TC2N: variants seen among roughly 807,000 people sequenced by gnomAD.
The protein encoded by TC2N is tandem C2 domains nuclear protein.
A neutral mutation model predicts 61.9 loss-of-function variants in TC2N; 51 were observed. The observed-to-expected ratio is 0.82, with a 90% CI of 0.66 to 1.04. The LOEUF is 1.04. TC2N is among the 50% of genes least tolerant of loss of function. TC2N has a pLI of 0.00. For missense variants in TC2N, 556 were observed against 566.7 expected (o/e 0.98, Z 0.19); for synonymous variants, 204 against 192.6 (o/e 1.06, Z -0.49).
At chr14:91,859,254 A>G (rs1054632362) in intron 1 of TC2N, among the ~76,000 whole-genome samples, 2 of 152,142 alleles carry the variant, frequency 1.3e-5, no homozygotes, top group African/African-American at 2.4e-5. Context: ...TGTAATTAAT[A>G]TCTATGCATT....
intron 1 of TC2N, among the ~76,000 whole-genome samples, chr14:91,830,392 C>T (rs2139893568): frequency 6.6e-6 from 1 of 152,266 alleles, no homozygotes; most frequent in Middle Eastern, 3.4e-3. Context: ...AGTACTGATT[C>T]ACACTACAAC....
Position 91,807,411 on chromosome 14 carries a change from A to G in TC2N, c.301+4901T>C, listed in dbSNP as rs995878086. Among the ~76,000 whole-genome samples the G allele has an allele frequency of 5.9e-5, 9 of 152,230 alleles. No individual in the cohort carries two copies. In the East Asian group the frequency reaches 1.7e-3, roughly 29 times the overall value. On this transcript the variant is annotated intron_variant, in intron 3 of 11. Coordinates refer to ENST00000435962, the MANE Select transcript of TC2N (RefSeq NM_001128596.3). ...TGAAAGCAGCTAGGAGGGAAGCTGT[A>G]CCTTGCAAAGCCACAGGGGTGGAGC... is the stretch of plus-strand genomic sequence containing the variant.
In TC2N at chr14:91,865,377, T is replaced by G. The variant is rs906644109; in HGVS notation, c.-57+1885A>C. On this transcript the variant is annotated intron_variant, in intron 1 of 11. Transcript: ENST00000435962. Reference sequence around the variant, plus strand: ...TGTCTTGGAGCCTCTTGGTTTTTTTTTTTTTTTTTTTTTAAAAAAACATCT... The same window carrying G: ...TGTCTTGGAGCCTCTTGGTTTTTTTGTTTTTTTTTTTTTAAAAAAACATCT... 1.9e-3 allele frequency among the ~76,000 whole-genome samples: 278 copies of G among 146,112 alleles called. 1 individual carries two copies. The highest frequency in any genetic ancestry group is 6.8e-3 in the African/African-American group (268 of 39,408).
chr14:91,791,218 GAGGGA>G (rs1238453639), intron 9 of TC2N, among the ~76,000 whole-genome samples: 37 of 115,364 alleles, frequency 3.2e-4, no homozygotes, highest in African/African-American at 7.9e-4. Flanking sequence ...GAGGGGAGGG[GAGGGA>G]AGGGAAGGGA....
At position 91,797,802 on chromosome 14, in the gene TC2N, C is replaced by T. The variant is rs1226302534; in HGVS notation, c.838G>A (p.Ala280Thr). Residue 280 changes from alanine to threonine, a missense_variant, in exon 8 of 12, where the codon GCC becomes ACC. Transcript: ENST00000435962. The part of the protein sequence containing the change: ...LPKPVHFKSS[A>T]KEGSNAIEFM... ...CCACTTACGTTGGAACCTTCCTTGG[C>T]TGAAGATTTGAAATGCACTGGTTTG... The T allele has an allele frequency of 3.1e-6, 5 of 1,600,924 alleles. No individual in the cohort carries two copies. The highest frequency in any genetic ancestry group is 2.3e-5 in the South Asian group (2 of 88,842).
intron 1 of TC2N, among the ~76,000 whole-genome samples, chr14:91,856,703 G>A (rs1040176530): frequency 2.6e-5 from 4 of 152,162 alleles, no homozygotes; most frequent in Non-Finnish European, 5.9e-5. Context: ...TTAGACCGAA[G>A]AGGCAGCAGT....
At chr14:91,854,975 T>C (rs1434943829) in intron 1 of TC2N, among the ~76,000 whole-genome samples, 1 of 152,202 alleles carries the variant, frequency 6.6e-6, no homozygotes, top group Non-Finnish European at 1.5e-5. Flanking sequence ...GCTGAGGATC[T>C]GGAGGGGTTC....
At position 91,780,262 on chromosome 14, in the gene TC2N, A is replaced by G. The variant is rs1483146752; in HGVS notation, c.*2838T>C. On this transcript the variant is annotated 3_prime_UTR_variant, in exon 12 of 12. Transcript: ENST00000435962. ...GAAATCCTTCATAAGCAAGTATTTG[A>G]TTAAACAAAAATGGAAAATGTTACT... The G allele has an allele frequency of 1.3e-5, 2 of 152,262 alleles. No individual in the cohort carries two copies. Among genetic ancestry groups the G allele is most frequent in the African/African-American group, 4.8e-5 (2 of 41,472 alleles). 9.4% of individuals were successfully genotyped at this position (152,262 alleles called of 1,614,324 possible). A position where few individuals can be genotyped will look rare whatever the true frequency, so the allele number is the denominator to read the frequency against.
chr14:91,823,954 G>A (rs184036305), intron 1 of TC2N, among the ~76,000 whole-genome samples: 4 of 152,238 alleles, frequency 2.6e-5, no homozygotes, highest in African/African-American at 9.6e-5. Context: ...CCAAAGTAAT[G>A]CACATAAAGT....
intron 1 of TC2N, among the ~76,000 whole-genome samples, chr14:91,827,111 T>C (rs1887533749): frequency 1.3e-5 from 2 of 152,348 alleles, no homozygotes; most frequent in Admixed American, 1.3e-4. Context: ...TATTTTATCC[T>C]GGGCTTTCTA....
At chr14:91,832,484 T>C (rs185352703) in intron 1 of TC2N, among the ~76,000 whole-genome samples, 1 of 151,024 alleles carries the variant, frequency 6.6e-6, no homozygotes, top group East Asian at 1.9e-4. Flanking sequence ...CAATGAAAGG[T>C]TCAACATCAT....
intron 2 of TC2N, among the ~76,000 whole-genome samples, 177 bp from the exon 3 acceptor site, chr14:91,812,722 T>C (rs1886838647): frequency 6.6e-6 from 1 of 151,954 alleles, no homozygotes; most frequent in Admixed American, 6.6e-5. Flanking sequence ...CAGACGATAT[T>C]TGAGCAATTA....
chr14:91,798,483 A>G, intron 6 of TC2N, 84 bp from the exon 7 acceptor site: 1 of 743,352 alleles, frequency 1.3e-6, no homozygotes, highest in East Asian at 2.8e-5. Context: ...CAATTTTAAG[A>G]GCACAATTTT....
chr14:91,838,162 T>C (rs892384817), intron 1 of TC2N, among the ~76,000 whole-genome samples: 4 of 151,228 alleles, frequency 2.6e-5, no homozygotes, highest in Non-Finnish European at 4.4e-5. Context: ...TTTTTTTTTT[T>C]TGGGCAGGCT....
chr14:91,844,814 A>G (rs1888238370), intron 1 of TC2N, among the ~76,000 whole-genome samples: 1 of 150,316 alleles, frequency 6.7e-6, no homozygotes, highest in South Asian at 2.1e-4. Flanking sequence ...GGCAGGGACC[A>G]GGGTCAAAGA....
At chr14:91,798,595 A>G (rs1400190765) in intron 6 of TC2N, among the ~76,000 whole-genome samples, 196 bp from the exon 7 acceptor site, 1 of 152,024 alleles carries the variant, frequency 6.6e-6, no homozygotes, top group Non-Finnish European at 1.5e-5. Flanking sequence ...TACTATAAAA[A>G]GGTCTCATGG....
chr14:91,814,618 G>A (rs1886930701), intron 1 of TC2N, among the ~76,000 whole-genome samples: 1 of 150,386 alleles, frequency 6.6e-6, no homozygotes, highest in Non-Finnish European at 1.5e-5. Flanking sequence ...GAAAAGAGAT[G>A]AAAAGAAAAA....
intron 1 of TC2N, among the ~76,000 whole-genome samples, chr14:91,815,323 C>T (rs1886957988): frequency 6.6e-6 from 1 of 151,498 alleles, no homozygotes; most frequent in Non-Finnish European, 1.5e-5. Flanking sequence ...CTATAATGGG[C>T]ACCAATAAAC....
At chr14:91,864,996 T>A (rs1053770331) in intron 1 of TC2N, among the ~76,000 whole-genome samples, 1 of 152,002 alleles carries the variant, frequency 6.6e-6, no homozygotes, top group Non-Finnish European at 1.5e-5. Context: ...ACCAGGCTGG[T>A]CTTGAACTCC....
Sources: gnomAD v4.1 joint callset for allele counts (sites outside exome capture counted in the v4.1 genomes callset) on GRCh38, gnomAD v4.1.1 for gene constraint, MANE v1.5 for transcripts, NCBI Gene and HGNC (gene_info 2026-07-23, HGNC 2026-07-21) for gene names.